The following ADORA1 variants were observed in gnomAD, a reference collection of about 807,000 sequenced individuals.
ADORA1 encodes adenosine A1 receptor.
A neutral mutation model predicts 19.9 loss-of-function variants in ADORA1; 6 were observed. That is an observed-to-expected ratio of 0.30 (90% CI 0.17 to 0.59). The LOEUF (loss-of-function observed/expected upper bound fraction) is 0.59. Among genes scored for constraint, ADORA1 ranks in the 20% least tolerant of loss-of-function variants. The pLI is 0.87. For missense variants in ADORA1, 302 were observed against 439.2 expected (o/e 0.69, Z 2.79); for synonymous variants, 194 against 188.4 (o/e 1.03, Z -0.24).
intron 3 of ADORA1, chr1:203,152,427 GC>G (rs1655067081): frequency 6.6e-6 from 1 of 152,290 alleles, no homozygotes; most frequent in Non-Finnish European, 1.5e-5. Flanking sequence ...CCTATGGGAA[GC>G]CGCATAAAGC....
chr1:203,165,701 C>T lies in ADORA1; in HGVS notation c.782C>T (p.Pro261Leu), dbSNP rs17852405. ...CTCAACTGCATCACCCTCTTCTGCCCGTCCTGCCACAAGCCCAGCATCCTT... is the reference window on the plus strand; with the variant it reads ...CTCAACTGCATCACCCTCTTCTGCCTGTCCTGCCACAAGCCCAGCATCCTT... ...HILNCITLFC[P>L]SCHKPSILTY... Residue 261 changes from proline to leucine, a missense_variant, in exon 4 of 4, where the codon CCG (proline) becomes CTG (leucine). Pro to Leu is a moderately conservative substitution (Grantham distance 98, BLOSUM62 -3). Transcript: ENST00000337894. The surrounding 1 kb of genome is among the most constrained non-coding windows in gnomAD (Gnocchi z 5.9). 20 of 1,610,934 alleles carry T rather than the reference C, an allele frequency of 1.2e-5. No individual in the cohort carries two copies. The highest frequency in any genetic ancestry group is 1.6e-4 in the Middle Eastern group (1 of 6,066).
At position 203,128,216 on chromosome 1, in the gene ADORA1, G is replaced by A; in HGVS notation, c.-212-62G>A. On this transcript the variant is annotated intron_variant, in intron 1 of 3. Coordinates refer to ENST00000337894, the MANE Select transcript of ADORA1 (RefSeq NM_000674.3). This position sits in a 1 kb window ranked among gnomAD's most constrained non-coding sequence, Gnocchi z 5.9. ...CCCCAGTCCCAGGTGCGAAACAGGG[G>A]CGCTACCTCTTTAAAAGCGTCCGGG... 1.3e-6 allele frequency: 1 copy of A among 799,590 alleles called. No individual in the cohort carries two copies. Among genetic ancestry groups the A allele is most frequent in the Middle Eastern group, 3.1e-4 (1 of 3,210 alleles). The allele number at this position is 799,590 out of a possible 1,614,324, so 49.5% of individuals were successfully genotyped here. A position where few individuals can be genotyped will look rare whatever the true frequency, so the allele number is the denominator to read the frequency against.
intron 3 of ADORA1, among the ~76,000 whole-genome samples, chr1:203,131,947 G>A (rs1049707725): frequency 2.6e-4 from 40 of 152,188 alleles, no homozygotes; most frequent in African/African-American, 9.2e-4. Flanking sequence ...CCGAGCACTG[G>A]TGAGGCGTGT....
intron 3 of ADORA1, among the ~76,000 whole-genome samples, chr1:203,135,878 C>G (rs1312481347): frequency 6.6e-6 from 1 of 152,070 alleles, no homozygotes; most frequent in East Asian, 1.9e-4. Flanking sequence ...CACTGCAAAT[C>G]CCCCGGGGGC....
intron 3 of ADORA1, among the ~76,000 whole-genome samples, chr1:203,160,803 C>A (rs1655339171): frequency 6.6e-6 from 1 of 152,126 alleles, no homozygotes; most frequent in South Asian, 2.1e-4. Context: ...AGAGTGAGAG[C>A]CTATCTCTTA....
At chr1:203,164,879 G>A (rs756074212) in intron 3 of ADORA1, among the ~76,000 whole-genome samples, 29 of 152,258 alleles carry the variant, frequency 1.9e-4, no homozygotes, top group Non-Finnish European at 2.5e-4. Flanking sequence ...TCATTCTGCC[G>A]GTGACTTCCT....
chr1:203,142,583 C>T (rs1654729022), intron 3 of ADORA1, among the ~76,000 whole-genome samples: 1 of 152,166 alleles, frequency 6.6e-6, no homozygotes. Flanking sequence ...GTGGGGTGCA[C>T]AGAGGGGTGA....
intron 3 of ADORA1, among the ~76,000 whole-genome samples, chr1:203,149,185 T>C (rs1466945156): frequency 2.6e-5 from 4 of 152,176 alleles, no homozygotes; most frequent in Non-Finnish European, 2.9e-5. Flanking sequence ...GCCTGCATTT[T>C]CTTTTTCCAG....
At chr1:203,146,641 AAG>A (rs1379033001) in intron 3 of ADORA1, among the ~76,000 whole-genome samples, 2 of 151,606 alleles carry the variant, frequency 1.3e-5, no homozygotes, top group East Asian at 3.9e-4. Flanking sequence ...AAAAAAAAAA[AAG>A]AGAAAGAGAG....
rs201792430 is a variant in ADORA1, at chr1:203,128,804, T to G, written c.-38T>G. 1.7e-4 allele frequency: 264 copies of G among 1,554,502 alleles called. 2 individuals carry two copies. The East Asian group carries it at 5.6e-3, about 33-fold the overall frequency. On this transcript the variant is annotated 5_prime_UTR_variant, in exon 3 of 4. Transcript: ENST00000337894. This position sits in a 1 kb window ranked among gnomAD's most constrained non-coding sequence, Gnocchi z 5.9. ...ACACAGGTGCTTGCCTCGTGCCCCTTGGTGCCCGTCTGCTGATGTGCCCAG... is the reference window on the plus strand; with the variant it reads ...ACACAGGTGCTTGCCTCGTGCCCCTGGGTGCCCGTCTGCTGATGTGCCCAG...
chr1:203,156,490 T>C (rs539460041), intron 3 of ADORA1, among the ~76,000 whole-genome samples: 126 of 152,186 alleles, frequency 8.3e-4, no homozygotes, highest in Non-Finnish European at 1.3e-3. Context: ...TCCACTAGCA[T>C]GGTGATAGTA....
At chr1:203,139,377 G>C (rs939000431) in intron 3 of ADORA1, among the ~76,000 whole-genome samples, 1 of 152,162 alleles carries the variant, frequency 6.6e-6, no homozygotes, top group African/African-American at 2.4e-5. Context: ...TTTTCGTAGT[G>C]AATTGGGAAG....
At chr1:203,154,756 A>C (rs1655142917) in intron 3 of ADORA1, among the ~76,000 whole-genome samples, 2 of 152,186 alleles carry the variant, frequency 1.3e-5, no homozygotes, top group Non-Finnish European at 2.9e-5. Flanking sequence ...GGTCAGCCCC[A>C]TGGTGATACA....
intron 3 of ADORA1, among the ~76,000 whole-genome samples, chr1:203,152,120 A>G (rs2102756178): frequency 6.6e-6 from 1 of 152,310 alleles, no homozygotes; most frequent in Non-Finnish European, 1.5e-5. Flanking sequence ...TCAATCCCTC[A>G]TCATCCAGAC....
In ADORA1 at chr1:203,165,865, G is replaced by A. The variant is rs201762463; in HGVS notation, c.946G>A (p.Asp316Asn). 9 of 1,581,782 alleles carry A rather than the reference G, an allele frequency of 5.7e-6. No homozygotes were observed. In the African/African-American group the frequency reaches 1.1e-4, roughly 19 times the overall value. ...HFRCQPAPPIDEDLPEERPDD is the reference protein window; with the variant it reads ...HFRCQPAPPINEDLPEERPDD Reference sequence around the variant, plus strand: ...CCGCTGCCAGCCTGCACCTCCCATTGACGAGGATCTCCCAGAAGAGAGGCC... The same window carrying A: ...CCGCTGCCAGCCTGCACCTCCCATTAACGAGGATCTCCCAGAAGAGAGGCC... The change falls in exon 4 of 4, where the codon GAC (aspartate) becomes AAC (asparagine). Residue 316 changes from aspartate to asparagine, a missense_variant. Coordinates refer to ENST00000337894, the MANE Select transcript of ADORA1 (RefSeq NM_000674.3). This position sits in a 1 kb window ranked among gnomAD's most constrained non-coding sequence, Gnocchi z 5.9.
chr1:203,145,839 G>A (rs1339916444), intron 3 of ADORA1, among the ~76,000 whole-genome samples: 2 of 152,302 alleles, frequency 1.3e-5, no homozygotes, highest in East Asian at 3.9e-4. Context: ...TCTCTGTTGC[G>A]GTTGGGGTGG....
Position 203,166,112 on chromosome 1 carries a change from G to A in ADORA1, c.*212G>A. 3 of 566,242 alleles carry A rather than the reference G, an allele frequency of 5.3e-6. No homozygotes were observed. The highest frequency in any genetic ancestry group is 5.5e-6 in the Non-Finnish European group (2 of 361,178). 35.1% of individuals were successfully genotyped at this position (566,242 alleles called of 1,614,324 possible). ...TGGGCCCTGCAGGAGGCCTGGGAGG[G>A]CAAGGGTCCTACGGAGGGACCAGGT... On this transcript the variant is annotated 3_prime_UTR_variant, in exon 4 of 4. Coordinates refer to ENST00000337894, the MANE Select transcript of ADORA1 (RefSeq NM_000674.3).
intron 3 of ADORA1, among the ~76,000 whole-genome samples, chr1:203,143,062 GC>G (rs1654745669): frequency 6.6e-6 from 1 of 152,192 alleles, no homozygotes; most frequent in African/African-American, 2.4e-5. Flanking sequence ...GGTCCCAGGG[GC>G]TAATAACAAC....
chr1:203,133,693 TTCACTCCAGTG>T (rs1454709653), intron 3 of ADORA1, among the ~76,000 whole-genome samples: 4 of 152,224 alleles, frequency 2.6e-5, no homozygotes, highest in African/African-American at 9.6e-5. Context: ...CCCCTCCACC[TTCACTCCAGTG>T]GGCAGTTGAG....
Sources: allele counts gnomAD v4.1 joint callset (sites outside exome capture counted in the v4.1 genomes callset), GRCh38; gene constraint gnomAD v4.1.1; non-coding constraint Gnocchi (gnomAD v3.1); transcripts MANE v1.5; gene names NCBI Gene and HGNC (gene_info 2026-07-23, HGNC 2026-07-21).